ATP8B2: variants seen among roughly 807,000 people sequenced by gnomAD.
ATP8B2 encodes phospholipid-transporting ATPase ID.
Under a neutral mutation model 133.4 loss-of-function variants are expected in ATP8B2, and 70 were observed. That is an observed-to-expected ratio of 0.52 (90% CI 0.43 to 0.64). ATP8B2 has a LOEUF of 0.64. Ranked by LOEUF, ATP8B2 falls within the 30% of genes least tolerant of loss-of-function variation. ATP8B2 has a pLI of 0.00. For synonymous variants in ATP8B2, 517 were observed against 589.5 expected, an observed-to-expected ratio of 0.88 and a Z score of 1.78; for missense variants, 1,101 against 1,535.7, an observed-to-expected ratio of 0.72 and a Z score of 4.73.
rs559322287 is a variant in ATP8B2, at chr1:154,335,705, C to T, written c.837+1114C>T. Among the ~76,000 whole-genome samples, 60 of 145,948 alleles carry T rather than the reference C, an allele frequency of 4.1e-4. No homozygotes were observed. The South Asian group carries it at 0.013, about 31-fold the overall frequency. On this transcript the variant is annotated intron_variant, in intron 11 of 27. Transcript: ENST00000368489. ...GACCCTGTTTCAAAAAAGAAATCTA[C>T]GTTTATGAAGATAAGTTTGTTTCCC... is the stretch of plus-strand genomic sequence containing the variant.
At chr1:154,330,712 TG>T in intron 3 of ATP8B2, 102 bp from the exon 4 acceptor site, 1 of 996,680 alleles carries the variant, frequency 1.0e-6, no homozygotes, top group Non-Finnish European at 1.5e-6. Context: ...TGCTAGCTTT[TG>T]GGGTAGAGGT....
In ATP8B2 at chr1:154,328,976, C is replaced by T. The variant is rs1006651127; in HGVS notation, c.31+804C>T. ...TATAGACGGTCTGCCCTCCCCCACTCAAACCGGGATCATGACGGTCCCCAA... is the reference window on the plus strand; with the variant it reads ...TATAGACGGTCTGCCCTCCCCCACTTAAACCGGGATCATGACGGTCCCCAA... On this transcript the variant is annotated intron_variant, in intron 2 of 27. Coordinates refer to ENST00000368489, the MANE Select transcript of ATP8B2 (RefSeq NM_001370597.1). This position sits in a 1 kb window ranked among gnomAD's most constrained non-coding sequence, Gnocchi z 4.6. 3 of 1,304,020 alleles carry T rather than the reference C, an allele frequency of 2.3e-6. No individual in the cohort carries two copies. Among genetic ancestry groups the T allele is most frequent in the African/African-American group, 1.5e-5 (1 of 65,836 alleles). The allele number at this position is 1,304,020 out of a possible 1,614,324, so 80.8% of individuals were successfully genotyped here. A position where few individuals can be genotyped will look rare whatever the true frequency, so the allele number is the denominator to read the frequency against.
In ATP8B2 at chr1:154,334,980, C is replaced by G. The variant is rs531452418; in HGVS notation, c.837+389C>G. Among the ~76,000 whole-genome samples the G allele has an allele frequency of 2.0e-5, 3 of 152,234 alleles. No homozygotes were observed. In the East Asian group the frequency reaches 5.8e-4, roughly 29 times the overall value. ...TGGCAGGGTCTTTTCCCCCCAACTT[C>G]TAAGAACGAAGGATCCCAAAGGAAA... On this transcript the variant is annotated intron_variant, in intron 11 of 27. Coordinates refer to ENST00000368489, the MANE Select transcript of ATP8B2 (RefSeq NM_001370597.1). The surrounding 1 kb of genome is among the most constrained non-coding windows in gnomAD (Gnocchi z 4.6).
Position 154,344,559 on chromosome 1 carries a change from G to C in ATP8B2, c.2141+59G>C, listed in dbSNP as rs918230422. 6.2e-7 allele frequency: 1 copy of C among 1,612,538 alleles called. No individual in the cohort carries two copies. The highest frequency in any genetic ancestry group is 8.5e-7 in the Non-Finnish European group (1 of 1,178,810). Reference sequence around the variant, plus strand: ...CGTTGTGCCCAGGGCTCAGGTGGGGGTTTCTGGACCATTTAGACTTGAATC... The same window carrying C: ...CGTTGTGCCCAGGGCTCAGGTGGGGCTTTCTGGACCATTTAGACTTGAATC... On this transcript the variant is annotated intron_variant, in intron 20 of 27. Transcript: ENST00000368489. The surrounding 1 kb of genome is among the most constrained non-coding windows in gnomAD (Gnocchi z 4.1).
chr1:154,330,119 G>C (rs1685931561), intron 2 of ATP8B2, among the ~76,000 whole-genome samples: 1 of 152,180 alleles, frequency 6.6e-6, no homozygotes, highest in African/African-American at 2.4e-5. Flanking sequence ...CTCTGGAGTG[G>C]GGGTGGGGGA....
At position 154,345,211 on chromosome 1, in the gene ATP8B2, T is replaced by G; in HGVS notation, c.2470+57T>G. On this transcript the variant is annotated intron_variant, in intron 22 of 27. Transcript: ENST00000368489. The surrounding 1 kb of genome is among the most constrained non-coding windows in gnomAD (Gnocchi z 5.6). ...GGCTTGAGGCTGGGGAGGGGCCCAC[T>G]GAGGTCTCTGGACTGCAGAAGAATG... 6.2e-7 allele frequency: 1 copy of G among 1,600,986 alleles called. No homozygotes were observed. The highest frequency in any genetic ancestry group is 8.5e-7 in the Non-Finnish European group (1 of 1,171,442).
At position 154,346,422 on chromosome 1, in the gene ATP8B2, C is replaced by T. The variant is rs150325233; in HGVS notation, c.2970C>T (p.Tyr990=). 3.7e-5 allele frequency: 59 copies of T among 1,614,188 alleles called. No individual in the cohort carries two copies. In the African/African-American group the frequency reaches 6.9e-4, roughly 19 times the overall value. The change falls in exon 25 of 28, where the codon TAC becomes TAT. Residue 990 remains tyrosine, a synonymous_variant. Transcript: ENST00000368489. This position sits in a 1 kb window ranked among gnomAD's most constrained non-coding sequence, Gnocchi z 4.5. The part of the protein sequence containing the change: ...TRDDGTQLAD[Y]QSFAVTVATS... ...ATGATGGCACTCAGCTGGCTGACTACCAGTCCTTTGCAGTCACTGTGGCCA... is the reference window on the plus strand; with the variant it reads ...ATGATGGCACTCAGCTGGCTGACTATCAGTCCTTTGCAGTCACTGTGGCCA...
intron 2 of ATP8B2, among the ~76,000 whole-genome samples, chr1:154,329,667 A>G (rs1368430789): frequency 1.3e-5 from 2 of 152,218 alleles, no homozygotes; most frequent in Non-Finnish European, 2.9e-5. Context: ...AGGAAGGTCC[A>G]GTTAGAGAGC....
chr1:154,327,478 T>TGCC (rs1685826757), intron 1 of ATP8B2, among the ~76,000 whole-genome samples: 1 of 152,124 alleles, frequency 6.6e-6, no homozygotes, highest in Admixed American at 6.5e-5. Context: ...AAGACCCCTC[T>TGCC]GCCAGCCCAG....
chr1:154,331,873 C>T lies in ATP8B2; in HGVS notation c.439-81C>T. ...CCTGGAACTAAGCAAACCAAGAATG[C>T]TTAGTGGAAGGAGCCACCATTACAG... On this transcript the variant is annotated intron_variant, in intron 7 of 27. Transcript: ENST00000368489. This position sits in a 1 kb window ranked among gnomAD's most constrained non-coding sequence, Gnocchi z 4.8. 1 of 1,445,132 alleles carries T rather than the reference C, an allele frequency of 6.9e-7. No homozygotes were observed. The highest frequency in any genetic ancestry group is 9.7e-7 in the Non-Finnish European group (1 of 1,027,868). The allele number at this position is 1,445,132 out of a possible 1,614,324, so 89.5% of individuals were successfully genotyped here.
intron 1 of ATP8B2, chr1:154,327,754 C>T (rs1449152522): frequency 1.9e-6 from 3 of 1,573,316 alleles, no homozygotes; most frequent in Non-Finnish European, 2.6e-6. Context: ...AGCACAAGCA[C>T]TACTCATTGC....
chr1:154,330,987 G>C, intron 4 of ATP8B2, 59 bp downstream of exon 4: 1 of 1,601,450 alleles, frequency 6.2e-7, no homozygotes, highest in Non-Finnish European at 8.6e-7. Flanking sequence ...CCAAGGAAGA[G>C]GAAAGGGAAT....
Position 154,343,391 on chromosome 1 carries a change from A to G in ATP8B2, c.1643-62A>G, listed in dbSNP as rs1686453004. ...GTGCCGGGTGACTCTTGATGTGTTT[A>G]TGTTGGGGGTCTTTGCCTGTCTGAA... On this transcript the variant is annotated intron_variant, in intron 16 of 27. Coordinates refer to ENST00000368489, the MANE Select transcript of ATP8B2 (RefSeq NM_001370597.1). The surrounding 1 kb of genome is among the most constrained non-coding windows in gnomAD (Gnocchi z 5.8). The G allele has an allele frequency of 6.2e-7, 1 of 1,604,122 alleles. No individual in the cohort carries two copies. Among genetic ancestry groups the G allele is most frequent in the Non-Finnish European group, 8.5e-7 (1 of 1,172,678 alleles).
Position 154,344,420 on chromosome 1 carries a change from C to T in ATP8B2, c.2061C>T (p.Ser687=), listed in dbSNP as rs1413412503. ...AGACGGCTGTGAACATCGGCTATTC[C>T]TGCAAGATGCTGACGGATGACATGA... The part of the protein sequence containing the change: ...KQETAVNIGY[S]CKMLTDDMTE... Residue 687 remains serine (S), a synonymous_variant, in exon 20 of 28, where the codon TCC becomes TCT. Coordinates refer to ENST00000368489, the MANE Select transcript of ATP8B2 (RefSeq NM_001370597.1). The surrounding 1 kb of genome is among the most constrained non-coding windows in gnomAD (Gnocchi z 4.1). 1.2e-6 allele frequency: 2 copies of T among 1,614,184 alleles called. No homozygotes were observed. The highest frequency in any genetic ancestry group is 3.3e-5 in the Admixed American group (2 of 60,024).
intron 9 of ATP8B2, among the ~76,000 whole-genome samples, chr1:154,333,462 C>A (rs1448355345): frequency 1.3e-5 from 2 of 150,590 alleles, no homozygotes; most frequent in Non-Finnish European, 3.0e-5. Context: ...CGAGATCGGG[C>A]CACTGCACTC....
chr1:154,348,625 A>T, intron 27 of ATP8B2, 87 bp downstream of exon 27: 1 of 1,547,402 alleles, frequency 6.5e-7, no homozygotes, highest in Admixed American at 1.7e-5. Context: ...CTGTGGGGCC[A>T]TGTGGCTGTT....
At position 154,344,399 on chromosome 1, in the gene ATP8B2, G is replaced by A. The variant is rs540752059; in HGVS notation, c.2040G>A (p.Thr680=). 6.8e-6 allele frequency: 11 copies of A among 1,614,122 alleles called. No individual in the cohort carries two copies. Among genetic ancestry groups the A allele is most frequent in the Middle Eastern group, 3.3e-4 (2 of 6,062 alleles). The stretch of plus-strand genomic sequence containing the variant: ...TCCTGCGTTCTCTCTTGGTAGAGAC[G>A]GCTGTGAACATCGGCTATTCCTGCA... ...IWVLTGDKQE[T]AVNIGYSCKM... Residue 680 remains threonine, a synonymous_variant, in exon 20 of 28, where the codon ACG becomes ACA. Coordinates refer to ENST00000368489, the MANE Select transcript of ATP8B2 (RefSeq NM_001370597.1). The surrounding 1 kb of genome is among the most constrained non-coding windows in gnomAD (Gnocchi z 4.1).
rs780949529 is a variant in ATP8B2 at position 154,331,100 on chromosome 1, T to G, written c.257T>G (p.Val86Gly). Residue 86 changes from valine to glycine, a missense_variant, in exon 5 of 28, where the codon GTT becomes GGT. Physicochemically the swap from Val to Gly is moderately radical, Grantham distance 109. Transcript: ENST00000368489. This position sits in a 1 kb window ranked among gnomAD's most constrained non-coding sequence, Gnocchi z 4.8. ...TGGTTCACCACCATTGTGCCTTTGG[T>G]TCTTGTCCTCACCATCACAGCTGTT... ...LSWFTTIVPLVLVLTITAVKD... is the reference protein window; with the variant it reads ...LSWFTTIVPLGLVLTITAVKD... 5 of 1,614,148 alleles carry G rather than the reference T, an allele frequency of 3.1e-6. No homozygotes were observed. Among genetic ancestry groups the G allele is most frequent in the Non-Finnish European group, 4.2e-6 (5 of 1,180,016 alleles).
At chr1:154,335,454 G>A (rs1686145235) in intron 11 of ATP8B2, among the ~76,000 whole-genome samples, 1 of 152,174 alleles carries the variant, frequency 6.6e-6, no homozygotes, top group Non-Finnish European at 1.5e-5. Context: ...CACTTTGGGA[G>A]ACCAAGGTGG....
Sources: gnomAD v4.1 joint callset for allele counts (sites outside exome capture counted in the v4.1 genomes callset) on GRCh38, gnomAD v4.1.1 for gene constraint, Gnocchi (gnomAD v3.1) non-coding constraint, MANE v1.5 for transcripts, NCBI Gene and HGNC (gene_info 2026-07-23, HGNC 2026-07-21) for gene names.